Variants in ROS1 observed in about 807,000 individuals in gnomAD.
ROS1 encodes ROS proto-oncogene 1, receptor tyrosine kinase.
ROS1 carries 263 observed loss-of-function variants against 273.5 expected under a neutral mutation model. The observed-to-expected ratio is 0.96, with a 90% CI of 0.87 to 1.06. ROS1 has a LOEUF of 1.06. ROS1 is among the 50% of genes least tolerant of loss of function. ROS1 has a pLI of 0.00. For synonymous variants in ROS1, 1,008 were observed against 954.1 expected, an observed-to-expected ratio of 1.06 and a Z score of -1.04; for missense variants, 2,833 against 2,751.1, an observed-to-expected ratio of 1.03 and a Z score of -0.67.
At chr6:117,358,958 A>T (rs1216105674) in intron 24 of ROS1, among the ~76,000 whole-genome samples, 1 of 152,168 alleles carries the variant, frequency 6.6e-6, no homozygotes, top group Non-Finnish European at 1.5e-5. Flanking sequence ...CATGTTAATG[A>T]CCCACTAAAT....
At chr6:117,368,993 G>A (rs965047893) in intron 18 of ROS1, among the ~76,000 whole-genome samples, 5 of 151,632 alleles carry the variant, frequency 3.3e-5, no homozygotes, top group African/African-American at 9.7e-5. Flanking sequence ...TTTTTTTAAT[G>A]AGCCAACTAG....
At chr6:117,390,049 T>G (rs934161284) in intron 12 of ROS1, among the ~76,000 whole-genome samples, 1 of 152,336 alleles carries the variant, frequency 6.6e-6, no homozygotes. Context: ...ATTAGAAAAT[T>G]TCAGCCTCAC....
At position 117,318,258 on chromosome 6, in the gene ROS1, C is replaced by T. The variant is rs747998653; in HGVS notation, c.5923-6G>A. 1.9e-6 allele frequency: 3 copies of T among 1,609,692 alleles called. No individual in the cohort carries two copies. The highest frequency in any genetic ancestry group is 2.2e-5 in the South Asian group (2 of 90,962). ...GTGGAACCCTTCTTCAAAGTCTATA[C>T]AACATAAAAACAAGTCAGGAATCAG... On this transcript the variant is annotated splice_region_variant and splice_polypyrimidine_tract_variant and intron_variant, in intron 37 of 43. Coordinates refer to ENST00000368507, the MANE Select transcript of ROS1 (RefSeq NM_001378902.1).
chr6:117,306,631 G>A (rs1775124753), intron 42 of ROS1, among the ~76,000 whole-genome samples: 1 of 152,166 alleles, frequency 6.6e-6, no homozygotes, highest in Non-Finnish European at 1.5e-5. Context: ...GTGCATCCAG[G>A]TGCTGAGTAT....
intron 32 of ROS1, among the ~76,000 whole-genome samples, chr6:117,332,205 A>G (rs1455059050): frequency 6.6e-6 from 1 of 152,102 alleles, no homozygotes; most frequent in East Asian, 1.9e-4. Flanking sequence ...CTAGTCTCTG[A>G]CAAAACAGAC....
chr6:117,315,251 C>G (rs1474934465), intron 39 of ROS1, among the ~76,000 whole-genome samples: 1 of 151,758 alleles, frequency 6.6e-6, no homozygotes, highest in African/African-American at 2.4e-5. Flanking sequence ...TAGGAGAGAG[C>G]AGCTAATAGA....
In ROS1 at chr6:117,319,923, C is replaced by T. The variant is rs751153523; in HGVS notation, c.5867G>A (p.Gly1956Glu). The change falls in exon 37 of 44, where the codon GGA becomes GAA. Residue 1956 changes from glycine to glutamate, a missense_variant. By Grantham distance (98) the Gly-to-Glu change is moderately conservative. Coordinates refer to ENST00000368507, the MANE Select transcript of ROS1 (RefSeq NM_001378902.1). ...GSGAFGEVYE[G>E]TAVDILGVGS... Reference sequence around the variant, plus strand: ...AACTCCTAAGATGTCCACTGCTGTTCCTTCATACACTTCTCCAAAGGCTCC... The same window carrying T: ...AACTCCTAAGATGTCCACTGCTGTTTCTTCATACACTTCTCCAAAGGCTCC... The T allele has an allele frequency of 5.0e-6, 8 of 1,613,360 alleles. No individual in the cohort carries two copies. The East Asian group carries it at 6.7e-5, about 13-fold the overall frequency.
intron 18 of ROS1, among the ~76,000 whole-genome samples, chr6:117,368,034 A>T (rs1780415424): frequency 6.6e-6 from 1 of 152,134 alleles, no homozygotes; most frequent in Non-Finnish European, 1.5e-5. Context: ...TACTACTCAC[A>T]ACTGTATGTT....
At position 117,305,668 on chromosome 6, in the gene ROS1, C is replaced by A. The variant is rs562739024; in HGVS notation, c.6551+3126G>T. 4.6e-5 allele frequency among the ~76,000 whole-genome samples: 7 copies of A among 152,208 alleles called. No individual in the cohort carries two copies. In the East Asian group the frequency reaches 1.4e-3, roughly 29 times the overall value. ...GAATAAAACTTCGGTTCTCAAATAG[C>A]AATAAACTGGCAATGGAATGAAATG... On this transcript the variant is annotated intron_variant, in intron 42 of 43. Transcript: ENST00000368507.
chr6:117,330,601 G>A (rs1020434325), intron 32 of ROS1, among the ~76,000 whole-genome samples: 3 of 152,206 alleles, frequency 2.0e-5, no homozygotes, highest in African/African-American at 7.2e-5. Context: ...GAAGTCAGAG[G>A]TCCCAGAAGA....
intron 35 of ROS1, among the ~76,000 whole-genome samples, chr6:117,322,476 G>A (rs1776351141): frequency 6.6e-6 from 1 of 151,954 alleles, no homozygotes. Context: ...CTTGCTATTT[G>A]TCTTCCCACA....
chr6:117,409,652 A>C lies in ROS1; in HGVS notation c.256-10T>G. Reference sequence around the variant, plus strand: ...CCTCACACGACTCCCGCTGTGGAAGACAGGGAGCATGACAGTCAGGGCAGC... The same window carrying C: ...CCTCACACGACTCCCGCTGTGGAAGCCAGGGAGCATGACAGTCAGGGCAGC... On this transcript the variant is annotated splice_polypyrimidine_tract_variant and intron_variant, in intron 4 of 43. Coordinates refer to ENST00000368507, the MANE Select transcript of ROS1 (RefSeq NM_001378902.1). 6.2e-7 allele frequency: 1 copy of C among 1,613,384 alleles called. No homozygotes were observed. The highest frequency in any genetic ancestry group is 8.5e-7 in the Non-Finnish European group (1 of 1,179,370).
chr6:117,357,821 A>G lies in ROS1; in HGVS notation c.3822T>C (p.Ser1274=). 1 of 1,609,020 alleles carries G rather than the reference A, an allele frequency of 6.2e-7. No homozygotes were observed. Among genetic ancestry groups the G allele is most frequent in the South Asian group, 1.1e-5 (1 of 90,888 alleles). The change falls in exon 25 of 44, where the codon TCT becomes TCC. Residue 1274 remains serine, a synonymous_variant. Coordinates refer to ENST00000368507, the MANE Select transcript of ROS1 (RefSeq NM_001378902.1). ...TTACATACCTTAAAAGAGGATATAC[A>G]GAAAAAGAAATTATTGTTGAATTCC... ...HNRNSTIISF[S]VYPLLSRLYW... is the part of the protein sequence containing the mutation.
At chr6:117,332,345 T>C (rs1217269887) in intron 32 of ROS1, among the ~76,000 whole-genome samples, 2 of 152,106 alleles carry the variant, frequency 1.3e-5, no homozygotes, top group Admixed American at 6.5e-5. Flanking sequence ...ACTCACAAAG[T>C]AAGTTCTTAG....
At chr6:117,403,801 T>G (rs919773846) in intron 6 of ROS1, among the ~76,000 whole-genome samples, 2 of 152,186 alleles carry the variant, frequency 1.3e-5, no homozygotes, top group Non-Finnish European at 2.9e-5. Context: ...ATTTTCCCTA[T>G]AAAATAAGCC....
chr6:117,394,747 A>G lies in ROS1; in HGVS notation c.884-9T>C, dbSNP rs550869984. The G allele has an allele frequency of 6.4e-5, 102 of 1,605,982 alleles. No individual in the cohort carries two copies. In the South Asian group the frequency reaches 1.1e-3, roughly 17 times the overall value. ...CTGTTCCTCTTGTTGAACTGAAAAA[A>G]ACAACACAATTTGCAGACAGGTAGA... On this transcript the variant is annotated splice_polypyrimidine_tract_variant and intron_variant, in intron 9 of 43. Coordinates refer to ENST00000368507, the MANE Select transcript of ROS1 (RefSeq NM_001378902.1).
At chr6:117,304,754 C>T (rs1774979402) in intron 42 of ROS1, among the ~76,000 whole-genome samples, 1 of 152,156 alleles carries the variant, frequency 6.6e-6, no homozygotes, top group South Asian at 2.1e-4. Context: ...CCTGCGTCCC[C>T]ACCCAAATCT....
At position 117,320,048 on chromosome 6, in the gene ROS1, T is replaced by A; in HGVS notation, c.5760-18A>T. 1.2e-6 allele frequency: 2 copies of A among 1,611,254 alleles called. No individual in the cohort carries two copies. The highest frequency in any genetic ancestry group is 1.3e-5 in the African/African-American group (1 of 74,920). Reference sequence around the variant, plus strand: ...GAAGAGTACTGTAAAATAGCAACATTTTTGTCTCCCCACCCTCCACATATA... The same window carrying A: ...GAAGAGTACTGTAAAATAGCAACATATTTGTCTCCCCACCCTCCACATATA... On this transcript the variant is annotated intron_variant, in intron 36 of 43. Coordinates refer to ENST00000368507, the MANE Select transcript of ROS1 (RefSeq NM_001378902.1).
intron 27 of ROS1, among the ~76,000 whole-genome samples, chr6:117,350,687 C>CTTTTTTTTTTTTTTTTTTTTCTT (rs548987983): frequency 7.7e-6 from 1 of 130,038 alleles, no homozygotes; most frequent in Non-Finnish European, 1.6e-5. Context: ...GGTTTTTTTC[C>CTTTTTTTTTTTTTTTTTTTTCTT]TTTTTTTTTT....
Sources: allele counts gnomAD v4.1 joint callset (sites outside exome capture counted in the v4.1 genomes callset), GRCh38; gene constraint gnomAD v4.1.1; transcripts MANE v1.5; gene names NCBI Gene and HGNC (gene_info 2026-07-23, HGNC 2026-07-21).